Variants in STIP1 observed in about 807,000 individuals in gnomAD.
STIP1 encodes stress induced phosphoprotein 1, also known as stress-induced-phosphoprotein 1.
A neutral mutation model predicts 77.4 loss-of-function variants in STIP1; 16 were observed. That is an observed-to-expected ratio of 0.21 (90% CI 0.14 to 0.31). The LOEUF (loss-of-function observed/expected upper bound fraction) is 0.31. Ranked by LOEUF, STIP1 falls within the 10% of genes least tolerant of loss-of-function variation. The pLI is 1.00. For missense variants in STIP1, 524 were observed against 684.8 expected (o/e 0.77, Z 2.62); for synonymous variants, 258 against 246.6 (o/e 1.05, Z -0.44).
rs1316001993 is a variant in STIP1 at position 64,195,626 on chromosome 11, T to C, written c.504-19T>C. On this transcript the variant is annotated intron_variant, in intron 4 of 13. Transcript: ENST00000305218. ...AGGAGTAATTACAATTTTTCTTTAT[T>C]TTTTTAAATCAATACTAGGAAACTA... 6.4e-7 allele frequency: 1 copy of C among 1,556,490 alleles called. No individual in the cohort carries two copies. The highest frequency in any genetic ancestry group is 8.7e-7 in the Non-Finnish European group (1 of 1,155,142).
rs1200204001 is a variant in STIP1 at position 64,202,897 on chromosome 11, C to T, written c.1267C>T (p.Leu423=). The part of the protein sequence containing the change: ...ALKDCEECIQ[L]EPTFIKGYTR... ...CTAGGACTGTGAGGAATGTATCCAG[C>T]TGGAGCCGACCTTCAGTAAGTGCCT... Residue 423 remains leucine, a synonymous_variant, in exon 11 of 14, where the codon CTG becomes TTG. Coordinates refer to ENST00000305218, the MANE Select transcript of STIP1 (RefSeq NM_006819.3). 1.2e-6 allele frequency: 2 copies of T among 1,614,114 alleles called. No individual in the cohort carries two copies. Among genetic ancestry groups the T allele is most frequent in the South Asian group, 1.1e-5 (1 of 91,090 alleles).
chr11:64,201,094 C>T (rs1272858282), intron 10 of STIP1, among the ~76,000 whole-genome samples: 3 of 150,660 alleles, frequency 2.0e-5, no homozygotes, highest in Non-Finnish European at 4.4e-5. Context: ...GGCTGGAGTA[C>T]AGTGGCACAA....
chr11:64,186,392 A>C, intron 1 of STIP1, 122 bp downstream of exon 1: 24 of 638,420 alleles, frequency 3.8e-5, no homozygotes, highest in Non-Finnish European at 4.6e-5. Flanking sequence ...CTGGGGCCGG[A>C]CGGGGCGGCG....
chr11:64,202,766 CT>C (rs888455499), intron 10 of STIP1, 109 bp from the exon 11 acceptor site: 2 of 1,212,866 alleles, frequency 1.6e-6, no homozygotes, highest in African/African-American at 3.0e-5. Context: ...GTTGTCCCCT[CT>C]GTTTGGTGCT....
Position 64,197,344 on chromosome 11 carries a change from A to T in STIP1, c.746A>T (p.Asp249Val). Residue 249 changes from aspartate to valine, a missense_variant, in exon 6 of 14, where the codon GAC becomes GTC. Physicochemically the swap from Asp to Val is radical, Grantham distance 152. Coordinates refer to ENST00000305218, the MANE Select transcript of STIP1 (RefSeq NM_006819.3). ...KDFDTALKHY[D>V]KAKELDPTNM... ...TTTGACACAGCCTTGAAGCATTACGACAAAGCCAAGGAGCTGGACCCCACT... is the reference window on the plus strand; with the variant it reads ...TTTGACACAGCCTTGAAGCATTACGTCAAAGCCAAGGAGCTGGACCCCACT... The T allele has an allele frequency of 6.2e-7, 1 of 1,614,032 alleles. No individual in the cohort carries two copies. Among genetic ancestry groups the T allele is most frequent in the Non-Finnish European group, 8.5e-7 (1 of 1,180,024 alleles).
intron 1 of STIP1, among the ~76,000 whole-genome samples, chr11:64,190,553 A>G (rs1291656730): frequency 6.6e-6 from 1 of 152,070 alleles, no homozygotes; most frequent in Non-Finnish European, 1.5e-5. Context: ...GACCTCAGTT[A>G]ATCTACCCGC....
At chr11:64,189,021 C>G (rs748051520) in intron 1 of STIP1, among the ~76,000 whole-genome samples, 27 of 152,316 alleles carry the variant, frequency 1.8e-4, no homozygotes, top group Admixed American at 1.3e-3. Flanking sequence ...TTGAGACCAA[C>G]CTGTCCAGCA....
At position 64,204,312 on chromosome 11, in the gene STIP1, C is replaced by G; in HGVS notation, c.*186C>G. 6 of 608,190 alleles carry G rather than the reference C, an allele frequency of 9.9e-6. No individual in the cohort carries two copies. In the South Asian group the frequency reaches 1.3e-4, roughly 13 times the overall value. 37.7% of individuals were successfully genotyped at this position (608,190 alleles called of 1,614,324 possible). Reference sequence around the variant, plus strand: ...TTTGTGCCGCCGCTGCCTCTGGGCCCTCCCAGCACACGCATGGTCTCTTCA... The same window carrying G: ...TTTGTGCCGCCGCTGCCTCTGGGCCGTCCCAGCACACGCATGGTCTCTTCA... On this transcript the variant is annotated 3_prime_UTR_variant, in exon 14 of 14. Transcript: ENST00000305218.
intron 1 of STIP1, among the ~76,000 whole-genome samples, chr11:64,190,593 C>T (rs542563470): frequency 6.6e-6 from 1 of 152,268 alleles, no homozygotes; most frequent in African/African-American, 2.4e-5. Context: ...GAGATTACAG[C>T]CTAAAATCAT....
At chr11:64,203,359 C>T in intron 12 of STIP1, 91 bp from the exon 13 acceptor site, 1 of 1,588,726 alleles carries the variant, frequency 6.3e-7, no homozygotes, top group Non-Finnish European at 8.6e-7. Flanking sequence ...TTCTCTCTCC[C>T]CTTGTCAGTT....
chr11:64,186,248 G>C lies in STIP1; in HGVS notation c.-14G>C. 3 of 1,510,848 alleles carry C rather than the reference G, an allele frequency of 2.0e-6. No individual in the cohort carries two copies. Among genetic ancestry groups the C allele is most frequent in the East Asian group, 2.7e-5 (1 of 37,278 alleles). The allele number at this position is 1,510,848 out of a possible 1,614,324, so 93.6% of individuals were successfully genotyped here. On this transcript the variant is annotated 5_prime_UTR_variant, in exon 1 of 14. Coordinates refer to ENST00000305218, the MANE Select transcript of STIP1 (RefSeq NM_006819.3). ...ACGGATTCGATTCAACGGGGTTCCG[G>C]ACCGCGCTGCGCTATGGAGCAGGTG...
rs761636029 is a variant in STIP1 at position 64,199,928 on chromosome 11, T to TA, written c.1024-11dup. Reference sequence around the variant, plus strand: ...GCGTTTAAATTATTATTTCAAGAATTATGTTTTGTAGGCAGAGAAAATCCT... The same window carrying TA: ...GCGTTTAAATTATTATTTCAAGAATTAATGTTTTGTAGGCAGAGAAAATCCT... On this transcript the variant is annotated splice_polypyrimidine_tract_variant and intron_variant, in intron 8 of 13. Coordinates refer to ENST00000305218, the MANE Select transcript of STIP1 (RefSeq NM_006819.3). 1 of 1,613,908 alleles carries TA rather than the reference T, an allele frequency of 6.2e-7. No homozygotes were observed. The highest frequency in any genetic ancestry group is 8.5e-7 in the Non-Finnish European group (1 of 1,179,944).
At position 64,194,539 on chromosome 11, in the gene STIP1, C is replaced by T. The variant is rs1201513989; in HGVS notation, c.422C>T (p.Pro141Leu). The change falls in exon 4 of 14, where the codon CCC becomes CTC. Residue 141 changes from proline (P) to leucine (L), a missense_variant. Physicochemically the swap from Pro to Leu is moderately conservative, Grantham distance 98. Transcript: ENST00000305218. ...CTGTATCAGAAGTTGGAGAGTGATCCCAGGACAAGGACACTACTCAGTGAT... is the reference window on the plus strand; with the variant it reads ...CTGTATCAGAAGTTGGAGAGTGATCTCAGGACAAGGACACTACTCAGTGAT... ...PNLYQKLESD[P>L]RTRTLLSDPT... The T allele has an allele frequency of 1.2e-5, 20 of 1,613,954 alleles. No homozygotes were observed. Among genetic ancestry groups the T allele is most frequent in the Admixed American group, 1.7e-5 (1 of 59,984 alleles).
chr11:64,201,035 T>TA (rs1565283368), intron 10 of STIP1, among the ~76,000 whole-genome samples: 3,793 of 137,960 alleles, frequency 0.027, 173 homozygotes, highest in African/African-American at 0.11. Context: ...CCCCCTTTTT[T>TA]TAAAAAAAAA....
intron 7 of STIP1, 38 bp downstream of exon 7, chr11:64,197,633 A>C (rs1223593537): frequency 6.2e-7 from 1 of 1,611,146 alleles, no homozygotes. Flanking sequence ...AGTAGCGCGG[A>C]GGGTTTGCTG....
At chr11:64,189,303 G>T (rs886188181) in intron 1 of STIP1, among the ~76,000 whole-genome samples, 1 of 152,190 alleles carries the variant, frequency 6.6e-6, no homozygotes, top group Admixed American at 6.5e-5. Context: ...GGACCTTGAA[G>T]TGAGCCGAGA....
intron 10 of STIP1, among the ~76,000 whole-genome samples, chr11:64,201,430 G>C (rs1293839439): frequency 6.6e-6 from 1 of 152,212 alleles, no homozygotes; most frequent in Non-Finnish European, 1.5e-5. Context: ...AGGTAGGTCT[G>C]CTGTTCTCAG....
intron 10 of STIP1, among the ~76,000 whole-genome samples, chr11:64,201,138 T>TA: frequency 6.6e-6 from 1 of 151,998 alleles, no homozygotes; most frequent in Non-Finnish European, 1.5e-5. Flanking sequence ...TTCCCTGGCT[T>TA]AAACCATCCT....
At chr11:64,199,519 GA>G (rs1165835021) in intron 8 of STIP1, among the ~76,000 whole-genome samples, 3 of 126,870 alleles carry the variant, frequency 2.4e-5, no homozygotes, top group Non-Finnish European at 5.0e-5. Flanking sequence ...AAAAAAAAAA[GA>G]AAAAAATCTT....
Sources: gnomAD v4.1 joint callset for allele counts (sites outside exome capture counted in the v4.1 genomes callset) on GRCh38, gnomAD v4.1.1 for gene constraint, MANE v1.5 for transcripts, NCBI Gene and HGNC (gene_info 2026-07-23, HGNC 2026-07-21) for gene names.